WDR7: variants seen among roughly 807,000 people sequenced by gnomAD.
WDR7 encodes the protein WD repeat domain 7.
In WDR7, 46 loss-of-function variants were observed where a neutral mutation model predicts 169.4. That is an observed-to-expected ratio of 0.27 (90% CI 0.21 to 0.35). The LOEUF is 0.35. Ranked by LOEUF, WDR7 falls within the 10% of genes least tolerant of loss-of-function variation. The pLI, the probability that WDR7 is intolerant of heterozygous loss-of-function variation, is 1.00. For synonymous variants in WDR7, 612 were observed against 666.8 expected (o/e 0.92, Z 1.27); for missense variants, 1,534 against 1,859.3 (o/e 0.83, Z 3.22).
At chr18:56,662,705 G>A (rs1007014576) in intron 1 of WDR7, among the ~76,000 whole-genome samples, 3 of 152,108 alleles carry the variant, frequency 2.0e-5, no homozygotes, top group African/African-American at 7.2e-5. Flanking sequence ...GTAAAAACAG[G>A]TGATGGAGGA....
intron 25 of WDR7, among the ~76,000 whole-genome samples, chr18:56,943,493 A>G (rs1355177773): frequency 6.6e-6 from 1 of 152,164 alleles, no homozygotes; most frequent in Non-Finnish European, 1.5e-5. Flanking sequence ...AGTGTTCTTC[A>G]TAAATGAAAT....
intron 20 of WDR7, among the ~76,000 whole-genome samples, chr18:56,878,869 T>A (rs2046065686): frequency 6.6e-6 from 1 of 152,242 alleles, no homozygotes; most frequent in South Asian, 2.1e-4. Context: ...AGCGTCATTT[T>A]TGTGGCATGT....
At chr18:56,859,729 G>T (rs1335359120) in intron 20 of WDR7, among the ~76,000 whole-genome samples, 1 of 152,134 alleles carries the variant, frequency 6.6e-6, no homozygotes, top group Non-Finnish European at 1.5e-5. Context: ...AATGAAATGT[G>T]CAGTGAACAT....
intron 13 of WDR7, among the ~76,000 whole-genome samples, chr18:56,719,773 C>T (rs531097843): frequency 6.6e-6 from 1 of 152,254 alleles, no homozygotes; most frequent in African/African-American, 2.4e-5. Flanking sequence ...TCCTAGCTAA[C>T]ACTGTGATCT....
chr18:56,655,065 AATAACT>A (rs2024738036), intron 1 of WDR7, among the ~76,000 whole-genome samples: 1 of 152,172 alleles, frequency 6.6e-6, no homozygotes, highest in Non-Finnish European at 1.5e-5. Flanking sequence ...CTCCTATATA[AATAACT>A]CTTCCCATTT....
At chr18:56,784,776 TTATG>T (rs1281305218) in intron 19 of WDR7, among the ~76,000 whole-genome samples, 1 of 152,216 alleles carries the variant, frequency 6.6e-6, no homozygotes, top group Non-Finnish European at 1.5e-5. Flanking sequence ...ACCTTTCTGT[TTATG>T]TATTATGTTT....
chr18:57,020,426 A>T (rs899112378), intron 26 of WDR7, among the ~76,000 whole-genome samples: 2 of 152,098 alleles, frequency 1.3e-5, no homozygotes, highest in African/African-American at 4.8e-5. Context: ...TAATTGTAAA[A>T]TTTTTCCCTG....
intron 21 of WDR7, among the ~76,000 whole-genome samples, chr18:56,899,918 T>TTTA (rs2046377906): frequency 6.6e-6 from 1 of 151,938 alleles, no homozygotes; most frequent in Non-Finnish European, 1.5e-5. Context: ...CAATATGTGC[T>TTTA]TTAAAGTTTT....
At chr18:56,915,623 C>A (rs2046613870) in intron 21 of WDR7, among the ~76,000 whole-genome samples, 1 of 152,030 alleles carries the variant, frequency 6.6e-6, no homozygotes, top group South Asian at 2.1e-4. Context: ...GTTGACTAGC[C>A]TAGGGGGGAC....
intron 25 of WDR7, among the ~76,000 whole-genome samples, chr18:56,943,136 G>A (rs1334990003): frequency 3.3e-5 from 5 of 152,130 alleles, no homozygotes; most frequent in Non-Finnish European, 7.4e-5. Context: ...AACAACAAAG[G>A]TAACATATCA....
chr18:57,026,130 A>T (rs1568320179), intron 27 of WDR7, among the ~76,000 whole-genome samples: 2 of 152,218 alleles, frequency 1.3e-5, no homozygotes, highest in Admixed American at 6.5e-5. Context: ...AAATCTTCAG[A>T]CTCAGTTGCT....
At chr18:56,679,752 C>CT (rs1192404548) in intron 3 of WDR7, among the ~76,000 whole-genome samples, 2 of 152,110 alleles carry the variant, frequency 1.3e-5, no homozygotes, top group African/African-American at 4.8e-5. Context: ...TGCCAGACAA[C>CT]TTTGAGATTT....
chr18:56,696,640 T>C (rs2025710572), intron 12 of WDR7, 178 bp downstream of exon 12: 1 of 567,324 alleles, frequency 1.8e-6, no homozygotes, highest in Admixed American at 3.5e-5. Flanking sequence ...GGCCACTAAC[T>C]ATTGGGGCAC....
rs566018768 is a variant in WDR7 at position 56,867,127 on chromosome 18, C to G, written c.3305-12817C>G. Among the ~76,000 whole-genome samples the G allele has an allele frequency of 1.4e-3, 207 of 152,194 alleles. 1 individual carries two copies. Among genetic ancestry groups the G allele is most frequent in the Non-Finnish European group, 7.2e-4 (49 of 68,016 alleles). ...GCAACCTCCGCCCCCTGGGCTCAAG[C>G]GATTCTCCCATCTCAGCCTCCTGAG... On this transcript the variant is annotated intron_variant, in intron 20 of 27. Coordinates refer to ENST00000254442, the MANE Select transcript of WDR7 (RefSeq NM_015285.3).
intron 16 of WDR7, among the ~76,000 whole-genome samples, chr18:56,760,122 A>G (rs2043959346): frequency 1.3e-5 from 2 of 152,310 alleles, no homozygotes; most frequent in East Asian, 1.9e-4. Flanking sequence ...TTTTGGTTAG[A>G]TAACTTTTTT....
intron 23 of WDR7, among the ~76,000 whole-genome samples, chr18:56,936,515 G>T (rs942700386): frequency 9.9e-5 from 15 of 152,214 alleles, no homozygotes; most frequent in African/African-American, 3.1e-4. Context: ...TTTTTTAAAG[G>T]TTTATTCCAT....
intron 1 of WDR7, among the ~76,000 whole-genome samples, chr18:56,655,060 A>G (rs993032953): frequency 6.6e-6 from 1 of 152,162 alleles, no homozygotes; most frequent in Non-Finnish European, 1.5e-5. Flanking sequence ...TTTTCCTCCT[A>G]TATAAATAAC....
intron 20 of WDR7, among the ~76,000 whole-genome samples, chr18:56,834,555 C>CT (rs2045367159): frequency 6.6e-6 from 1 of 151,910 alleles, no homozygotes; most frequent in South Asian, 2.1e-4. Context: ...TTTCTAGACC[C>CT]TTCTCTCTTC....
chr18:56,961,761 A>G (rs2047342573), intron 25 of WDR7, among the ~76,000 whole-genome samples: 2 of 152,166 alleles, frequency 1.3e-5, no homozygotes, highest in East Asian at 3.8e-4. Flanking sequence ...ATGCAATGCA[A>G]TATAAGTACC....
Sources: allele counts gnomAD v4.1 joint callset (sites outside exome capture counted in the v4.1 genomes callset), GRCh38; gene constraint gnomAD v4.1.1; transcripts MANE v1.5; gene names NCBI Gene and HGNC (gene_info 2026-07-23, HGNC 2026-07-21).